The following EYA2 variants were observed in gnomAD, a reference collection of about 807,000 sequenced individuals.
EYA2 encodes protein phosphatase EYA2.
EYA2 carries 31 observed loss-of-function variants against 69.2 expected under a neutral mutation model. The observed-to-expected ratio is 0.45, with a 90% CI of 0.34 to 0.60. EYA2 has a LOEUF of 0.60. Ranked by LOEUF, EYA2 falls within the 20% of genes least tolerant of loss-of-function variation. EYA2 has a pLI of 0.02. For synonymous variants in EYA2, 257 were observed against 279.4 expected (o/e 0.92, Z 0.80); for missense variants, 622 against 701.2 (o/e 0.89, Z 1.28).
At chr20:47,136,377 C>T (rs1020409935) in intron 9 of EYA2, among the ~76,000 whole-genome samples, 4 of 152,086 alleles carry the variant, frequency 2.6e-5, no homozygotes, top group Non-Finnish European at 4.4e-5. Context: ...CCCTTTCATC[C>T]AAGAAATACA....
At chr20:47,110,780 C>T (rs2032728277) in intron 9 of EYA2, among the ~76,000 whole-genome samples, 1 of 152,202 alleles carries the variant, frequency 6.6e-6, no homozygotes, top group Non-Finnish European at 1.5e-5. Flanking sequence ...ATGGCAAATA[C>T]AGCAGAAATA....
At chr20:47,052,658 T>C (rs1231232228) in intron 5 of EYA2, among the ~76,000 whole-genome samples, 1 of 152,244 alleles carries the variant, frequency 6.6e-6, no homozygotes, top group African/African-American at 2.4e-5. Context: ...GGTCTCATTC[T>C]GTTGCCCAAA....
At chr20:47,088,412 T>C (rs1490831405) in intron 7 of EYA2, among the ~76,000 whole-genome samples, 1 of 152,120 alleles carries the variant, frequency 6.6e-6, no homozygotes, top group African/African-American at 2.4e-5. Flanking sequence ...CTCCTTCTGT[T>C]CATCTAGGCA....
At chr20:47,130,534 G>A (rs1948164050) in intron 9 of EYA2, among the ~76,000 whole-genome samples, 1 of 151,630 alleles carries the variant, frequency 6.6e-6, no homozygotes, top group African/African-American at 2.4e-5. Context: ...CAAAGTGCTG[G>A]GATTACAAGC....
intron 5 of EYA2, among the ~76,000 whole-genome samples, chr20:47,064,799 A>G (rs567006380): frequency 7.1e-4 from 108 of 152,348 alleles, no homozygotes; most frequent in African/African-American, 2.5e-3. Flanking sequence ...GAGAGTAGAC[A>G]GCAGCGTCAC....
intron 5 of EYA2, among the ~76,000 whole-genome samples, chr20:47,022,779 G>A (rs552592296): frequency 1.3e-5 from 2 of 149,494 alleles, no homozygotes; most frequent in African/African-American, 2.5e-5. Flanking sequence ...TCAGCCTTCC[G>A]AGTAGCTGGG....
intron 2 of EYA2, among the ~76,000 whole-genome samples, chr20:46,994,483 C>T (rs1012475905): frequency 2.0e-5 from 3 of 152,178 alleles, no homozygotes; most frequent in Non-Finnish European, 4.4e-5. Flanking sequence ...CACCACCCTA[C>T]GCTACAAGCT....
intron 5 of EYA2, among the ~76,000 whole-genome samples, chr20:47,026,538 A>G (rs138818721): frequency 2.6e-5 from 4 of 152,322 alleles, no homozygotes; most frequent in African/African-American, 9.6e-5. Context: ...ACAAAATGAC[A>G]AACTGAAAAG....
intron 9 of EYA2, among the ~76,000 whole-genome samples, chr20:47,136,615 C>T (rs533599418): frequency 1.3e-5 from 2 of 152,010 alleles, no homozygotes; most frequent in East Asian, 1.9e-4. Context: ...TGCTAGCACA[C>T]GTCTCTAGTC....
chr20:47,149,390 ACT>A (rs1360608220), intron 10 of EYA2, among the ~76,000 whole-genome samples: 2 of 151,750 alleles, frequency 1.3e-5, no homozygotes, highest in African/African-American at 4.8e-5. Flanking sequence ...CACCACCGAA[ACT>A]CTCTGGTGAT....
At chr20:47,181,643 G>T (rs1298656660) in intron 14 of EYA2, among the ~76,000 whole-genome samples, 1 of 152,116 alleles carries the variant, frequency 6.6e-6, no homozygotes, top group Non-Finnish European at 1.5e-5. Flanking sequence ...AAAGTACTGG[G>T]ACTACAGGCA....
At chr20:47,062,360 C>G (rs2030925928) in intron 5 of EYA2, among the ~76,000 whole-genome samples, 1 of 152,216 alleles carries the variant, frequency 6.6e-6, no homozygotes, top group South Asian at 2.1e-4. Flanking sequence ...ACAGGCCCCT[C>G]TGGAGTGCCC....
intron 1 of EYA2, among the ~76,000 whole-genome samples, chr20:46,928,333 T>C (rs1447499600): frequency 6.6e-6 from 1 of 152,228 alleles, no homozygotes; most frequent in Non-Finnish European, 1.5e-5. Flanking sequence ...CTTTGGCCAC[T>C]CTTAAGCTTC....
chr20:46,966,170 T>TA (rs1406090888), intron 1 of EYA2, among the ~76,000 whole-genome samples: 1 of 152,206 alleles, frequency 6.6e-6, no homozygotes, highest in African/African-American at 2.4e-5. Context: ...ATCCCTCTGT[T>TA]ACTCAGGCTG....
intron 11 of EYA2, among the ~76,000 whole-genome samples, chr20:47,171,455 TC>T (rs2034321183): frequency 2.0e-5 from 3 of 152,212 alleles, no homozygotes; most frequent in African/African-American, 7.2e-5. Flanking sequence ...CAGAGATGCC[TC>T]GTTTTGTGCC....
intron 9 of EYA2, among the ~76,000 whole-genome samples, chr20:47,135,126 C>CAA (rs11484435): frequency 0.32 from 18,453 of 58,210 alleles, 3,076 homozygotes; most frequent in East Asian, 0.43. Context: ...GACTCCATAT[C>CAA]AAAAAAAAAA....
chr20:46,896,771 T>C (rs1451804706), intron 1 of EYA2, among the ~76,000 whole-genome samples: 2 of 152,254 alleles, frequency 1.3e-5, no homozygotes, highest in African/African-American at 2.4e-5. Flanking sequence ...GCCTGAACTT[T>C]TTTTTACTTT....
At chr20:46,965,609 G>C (rs1428889160) in intron 1 of EYA2, among the ~76,000 whole-genome samples, 1 of 152,274 alleles carries the variant, frequency 6.6e-6, no homozygotes, top group Non-Finnish European at 1.5e-5. Flanking sequence ...CCAGCGTGCA[G>C]AACTGTTTGC....
chr20:46,929,854 A>G (rs1414347194), intron 1 of EYA2, among the ~76,000 whole-genome samples: 1 of 152,082 alleles, frequency 6.6e-6, no homozygotes, highest in Non-Finnish European at 1.5e-5. Context: ...GAGTAGTGAG[A>G]TTTTAATCCA....
Sources: allele counts gnomAD v4.1 joint callset (sites outside exome capture counted in the v4.1 genomes callset), GRCh38; gene constraint gnomAD v4.1.1; transcripts MANE v1.5; gene names NCBI Gene and HGNC (gene_info 2026-07-23, HGNC 2026-07-21).